CDC27: variants seen among roughly 807,000 people sequenced by gnomAD.
CDC27 encodes the protein cell division cycle protein 27 homolog.
A neutral mutation model predicts 109.7 loss-of-function variants in CDC27; 27 were observed. The ratio of observed to expected loss-of-function variants is 0.25; its 90% confidence interval spans 0.18 to 0.34. The LOEUF (loss-of-function observed/expected upper bound fraction) is 0.34, where lower values mean the gene tolerates loss of function less well. CDC27 is among the 10% of genes least tolerant of loss of function. CDC27 has a pLI of 1.00. For synonymous variants in CDC27, 266 were observed against 333.9 expected, an observed-to-expected ratio of 0.80 and a Z score of 2.22; for missense variants, 579 against 960.2, an observed-to-expected ratio of 0.60 and a Z score of 5.25.
At chr17:47,128,457 A>G (rs2062216870) in intron 16 of CDC27, among the ~76,000 whole-genome samples, 1 of 152,124 alleles carries the variant, frequency 6.6e-6, no homozygotes, top group African/African-American at 2.4e-5. Context: ...TACTTGTTTC[A>G]GGCTAAGCAT....
chr17:47,159,579 C>T (rs368048550), intron 4 of CDC27: 17 of 470,972 alleles, frequency 3.6e-5, no homozygotes, highest in African/African-American at 1.2e-4. Flanking sequence ...CCTCTGCGCA[C>T]GGGGACAATC....
chr17:47,176,027 C>A (rs1388635085), intron 2 of CDC27, among the ~76,000 whole-genome samples: 1 of 152,044 alleles, frequency 6.6e-6, no homozygotes, highest in Non-Finnish European at 1.5e-5. Flanking sequence ...TGATACCTAC[C>A]TTTAAAGGTT....
intron 1 of CDC27, among the ~76,000 whole-genome samples, chr17:47,186,470 T>C (rs992183524): frequency 6.6e-6 from 1 of 152,242 alleles, no homozygotes; most frequent in African/African-American, 2.4e-5. Context: ...CTAGGAATAA[T>C]TGCTAAATCT....
chr17:47,160,698 T>G (rs1178861544), intron 4 of CDC27, among the ~76,000 whole-genome samples: 1 of 152,160 alleles, frequency 6.6e-6, no homozygotes, highest in Non-Finnish European at 1.5e-5. Context: ...GTTTTATATA[T>G]AAAGGACCAG....
intron 8 of CDC27, among the ~76,000 whole-genome samples, chr17:47,152,489 TTC>T (rs1392672104): frequency 6.6e-6 from 1 of 152,212 alleles, no homozygotes; most frequent in Non-Finnish European, 1.5e-5. Flanking sequence ...ATTAATTGGT[TTC>T]TGTTCCCTTG....
intron 16 of CDC27, 83 bp downstream of exon 16, chr17:47,129,310 A>G: frequency 9.2e-7 from 1 of 1,084,716 alleles, no homozygotes; most frequent in Non-Finnish European, 1.3e-6. Flanking sequence ...AATTAAATAA[A>G]TAACTTTCAG....
intron 1 of CDC27, among the ~76,000 whole-genome samples, chr17:47,188,275 G>T (rs554679449): frequency 9.7e-4 from 147 of 152,142 alleles, no homozygotes; most frequent in African/African-American, 3.4e-3. Flanking sequence ...CATTACCAAG[G>T]CACAAAAGAT....
chr17:47,129,960 C>T (rs748733469), intron 15 of CDC27, among the ~76,000 whole-genome samples: 43 of 149,548 alleles, frequency 2.9e-4, no homozygotes, highest in African/African-American at 9.8e-4. Flanking sequence ...CAGGTTTATG[C>T]GGTCTTTCAA....
At chr17:47,136,336 C>T (rs2062590728) in intron 14 of CDC27, among the ~76,000 whole-genome samples, 1 of 152,150 alleles carries the variant, frequency 6.6e-6, no homozygotes, top group Admixed American at 6.5e-5. Context: ...ACAACATATT[C>T]ACAAATCAAA....
At chr17:47,169,151 C>T (rs1256556505) in intron 4 of CDC27, among the ~76,000 whole-genome samples, 2 of 151,808 alleles carry the variant, frequency 1.3e-5, no homozygotes, top group Non-Finnish European at 2.9e-5. Flanking sequence ...CCACCACACC[C>T]AGCTAATTTT....
chr17:47,166,465 A>G (rs1269622621), intron 4 of CDC27, among the ~76,000 whole-genome samples: 2 of 152,086 alleles, frequency 1.3e-5, no homozygotes, highest in Non-Finnish European at 2.9e-5. Context: ...TCCTTCTTTC[A>G]TTCCTGATAT....
intron 1 of CDC27, among the ~76,000 whole-genome samples, chr17:47,188,266 A>T (rs767684982): frequency 1.8e-4 from 27 of 152,200 alleles, no homozygotes; most frequent in Non-Finnish European, 3.4e-4. Flanking sequence ...GACCTGGTCC[A>T]TTACCAAGGC....
At chr17:47,134,624 C>T (rs182009077) in intron 14 of CDC27, among the ~76,000 whole-genome samples, 2 of 152,088 alleles carry the variant, frequency 1.3e-5, no homozygotes, top group African/African-American at 2.4e-5. Context: ...TACAGGCACG[C>T]ATCACCACAC....
At chr17:47,129,586 C>A in intron 15 of CDC27, 65 bp from the exon 16 acceptor site, 1 of 1,185,282 alleles carries the variant, frequency 8.4e-7, no homozygotes, top group Non-Finnish European at 1.2e-6. Context: ...TGAGAACCAA[C>A]GTGACTCAAA....
At chr17:47,123,399 CTACTTTTTTTTT>C (rs2062034003) in intron 17 of CDC27, among the ~76,000 whole-genome samples, 1 of 130,894 alleles carries the variant, frequency 7.6e-6, no homozygotes. Flanking sequence ...ACTTTTTTTT[CTACTTTTTTTTT>C]TTTTTTTTTT....
At chr17:47,132,067 G>T (rs548655452) in intron 15 of CDC27, among the ~76,000 whole-genome samples, 190 bp downstream of exon 15, 2 of 118,636 alleles carry the variant, frequency 1.7e-5, no homozygotes, top group East Asian at 5.8e-4. Context: ...GAAGTGACTT[G>T]TGCAAGGGAT....
At chr17:47,154,912 G>C (rs1333488811) in intron 7 of CDC27, 126 bp from the exon 8 acceptor site, 2 of 518,066 alleles carry the variant, frequency 3.9e-6, no homozygotes, top group African/African-American at 3.9e-5. Flanking sequence ...GTGAGGATCT[G>C]AGGGGCAGAT....
chr17:47,127,402 A>G (rs2062176324), intron 16 of CDC27, among the ~76,000 whole-genome samples: 1 of 151,822 alleles, frequency 6.6e-6, no homozygotes, highest in South Asian at 2.1e-4. Flanking sequence ...TTATTAGCCT[A>G]TTTTTACGTT....
At position 47,133,028 on chromosome 17, in the gene CDC27, T is replaced by TACACAC. The variant is rs71138587; in HGVS notation, c.1914-660_1914-655dup. On this transcript the variant is annotated intron_variant, in intron 14 of 18. Transcript: ENST00000066544. ...ATATATATATATATATATATATATA[T>TACACAC]ACACACACACACACACACACACACA... 9.2e-3 allele frequency among the ~76,000 whole-genome samples: 275 copies of TACACAC among 29,784 alleles called. 5 individuals are homozygous for TACACAC. The highest frequency in any genetic ancestry group is 0.017 in the Middle Eastern group (1 of 58). The allele number at this position is 29,784 out of a possible 152,430, so 19.5% of individuals were successfully genotyped here.
Sources: allele counts gnomAD v4.1 joint callset (sites outside exome capture counted in the v4.1 genomes callset), GRCh38; gene constraint gnomAD v4.1.1; transcripts MANE v1.5; gene names NCBI Gene and HGNC (gene_info 2026-07-23, HGNC 2026-07-21).